MFAP4: variants seen among roughly 807,000 people sequenced by gnomAD.
MFAP4 encodes the protein microfibril-associated glycoprotein 4.
A neutral mutation model predicts 32.4 loss-of-function variants in MFAP4; 20 were observed. The ratio of observed to expected loss-of-function variants is 0.62; its 90% confidence interval spans 0.43 to 0.90. MFAP4 has a LOEUF of 0.90. Ranked by LOEUF, MFAP4 falls within the 40% of genes least tolerant of loss-of-function variation. The probability of loss-of-function intolerance (pLI) is 0.00; values close to 1 mark genes in which losing one functional copy is unlikely to be tolerated. For missense variants in MFAP4, 267 were observed against 329.5 expected, an observed-to-expected ratio of 0.81 and a Z score of 1.47; for synonymous variants, 146 against 137.4, an observed-to-expected ratio of 1.06 and a Z score of -0.44.
chr17:19,386,247 A>G, intron 3 of MFAP4, 63 bp downstream of exon 3: 2 of 1,423,782 alleles, frequency 1.4e-6, no homozygotes, highest in Non-Finnish European at 1.9e-6. Context: ...GCATATGTGA[A>G]GCCCAGGGTC....
chr17:19,386,511 TCACTGACACCTCAG>T (rs1439565137), intron 2 of MFAP4, 47 bp from the exon 3 acceptor site: 1 of 1,578,650 alleles, frequency 6.3e-7, no homozygotes, highest in Admixed American at 1.7e-5. Context: ...GACTATGGCA[TCACTGACACCTCAG>T]CACCCCAAGG....
intron 1 of MFAP4, 94 bp downstream of exon 1, chr17:19,387,056 T>A (rs1424111805): frequency 7.0e-7 from 1 of 1,436,214 alleles, no homozygotes. Context: ...TCAAGAGAAC[T>A]CCTTGTGCCT....
intron 1 of MFAP4, 139 bp from the exon 2 acceptor site, chr17:19,386,977 G>GCCCCCCCCCCCCCCCCCCCCC: frequency 1.5e-6 from 1 of 689,460 alleles, no homozygotes; most frequent in Admixed American, 3.1e-5. Flanking sequence ...CCTCTTCCCT[G>GCCCCCCCCCCCCCCCCCCCCC]CCCCCCCACC....
rs565019685 is a variant in MFAP4, at chr17:19,384,320, G to T, written c.*142C>A. ...GCCCTGGGTGTGTGACAGGGATGTG[G>T]CATGGCTGAGAGCCACAAGGCCCCC... On this transcript the variant is annotated 3_prime_UTR_variant, in exon 6 of 6. Transcript: ENST00000299610. 2.0e-6 allele frequency: 2 copies of T among 1,017,104 alleles called. No individual in the cohort carries two copies. The highest frequency in any genetic ancestry group is 1.6e-5 in the South Asian group (1 of 60,662). The allele number at this position is 1,017,104 out of a possible 1,614,324, so 63.0% of individuals were successfully genotyped here.
At position 19,384,496 on chromosome 17, in the gene MFAP4, A is replaced by G. The variant is rs763353882; in HGVS notation, c.734T>C (p.Leu245Pro). The change falls in exon 6 of 6, where the codon CTC becomes CCC. Residue 245 changes from leucine (L) to proline (P), a missense_variant. Leu to Pro is a moderately conservative substitution (Grantham distance 98, BLOSUM62 -3). Coordinates refer to ENST00000299610, the MANE Select transcript of MFAP4 (RefSeq NM_002404.3). ...WAQWKGFYYS[L>P]KRTEMKIRRA ...GCGGATTTTCATCTCAGTGCGTTTG[A>G]GGGAGTAGTAGAAGCCCTTCCACTG... is the stretch of plus-strand genomic sequence containing the variant. 2 of 1,601,040 alleles carry G rather than the reference A, an allele frequency of 1.2e-6. No homozygotes were observed.
chr17:19,384,220 C>T lies in MFAP4; in HGVS notation c.*242G>A. ...AGGTCCAGGCTAGAACCATGTGCCTCTCGGAAGAGGCCTGGGGAACTGCTG... is the reference window on the plus strand; with the variant it reads ...AGGTCCAGGCTAGAACCATGTGCCTTTCGGAAGAGGCCTGGGGAACTGCTG... On this transcript the variant is annotated 3_prime_UTR_variant, in exon 6 of 6. Transcript: ENST00000299610. 3 of 523,492 alleles carry T rather than the reference C, an allele frequency of 5.7e-6. No individual in the cohort carries two copies. The highest frequency in any genetic ancestry group is 1.0e-5 in the Non-Finnish European group (3 of 289,162). 32.4% of individuals were successfully genotyped at this position (523,492 alleles called of 1,614,324 possible). A position where few individuals can be genotyped will look rare whatever the true frequency, so the allele number is the denominator to read the frequency against.
chr17:19,386,999 G>T, intron 1 of MFAP4, 151 bp downstream of exon 1: 2 of 195,982 alleles, frequency 1.0e-5, no homozygotes, highest in South Asian at 4.6e-5. Context: ...CGCCCGCCAA[G>T]TAACCCCACT....
chr17:19,386,972 T>TGCCGGGCGCCCCCCCCCCCC, intron 1 of MFAP4, 134 bp from the exon 2 acceptor site: 1 of 937,014 alleles, frequency 1.1e-6, no homozygotes, highest in Non-Finnish European at 1.7e-6. Flanking sequence ...TGGCCCCTCT[T>TGCCGGGCGCCCCCCCCCCCC]CCCTGCCCCC....
intron 2 of MFAP4, 120 bp downstream of exon 2, chr17:19,386,640 A>G (rs1356653466): frequency 9.2e-6 from 12 of 1,299,210 alleles, no homozygotes; most frequent in Non-Finnish European, 1.3e-5. Flanking sequence ...CCCATTTTGT[A>G]AAGGAGGAAC....
rs763605557 is a variant in MFAP4 at position 19,386,891 on chromosome 17, C to T, written c.7-53G>A. 1.8e-5 allele frequency: 27 copies of T among 1,519,476 alleles called. No individual in the cohort carries two copies. In the African/African-American group the frequency reaches 3.3e-4, roughly 19 times the overall value. 94.1% of individuals were successfully genotyped at this position (1,519,476 alleles called of 1,614,324 possible). The stretch of plus-strand genomic sequence containing the variant: ...AGCCCCTTCCCAGCTCCAGAGATCC[C>T]CTGTTCTCTTTGCATTTGCCCCCAC... On this transcript the variant is annotated intron_variant, in intron 1 of 5. Coordinates refer to ENST00000299610, the MANE Select transcript of MFAP4 (RefSeq NM_002404.3).
In MFAP4 at chr17:19,386,357, G is replaced by T. The variant is rs752201669; in HGVS notation, c.193C>A (p.Pro65Thr). The change falls in exon 3 of 6, where the codon CCT becomes ACT. Residue 65 changes from proline to threonine, a missense_variant. Physicochemically the swap from Pro to Thr is conservative, Grantham distance 38. This residue lies in a region of MFAP4 where 223 missense variants were observed against 253.3 expected (regional missense o/e 0.88). Transcript: ENST00000299610. ...YLIYPSGPSVPVPVFCDMTTE... is the reference protein window; with the variant it reads ...YLIYPSGPSVTVPVFCDMTTE... ...GTCATGTCACAGAAGACGGGCACAGGCACACTGGGGCCCGAGGGGTAGATG... is the reference window on the plus strand; with the variant it reads ...GTCATGTCACAGAAGACGGGCACAGTCACACTGGGGCCCGAGGGGTAGATG... 4 of 1,613,528 alleles carry T rather than the reference G, an allele frequency of 2.5e-6. No homozygotes were observed. The highest frequency in any genetic ancestry group is 2.2e-5 in the East Asian group (1 of 44,874).
In MFAP4 at chr17:19,384,364, C is replaced by A; in HGVS notation, c.*98G>T. 1 of 1,403,070 alleles carries A rather than the reference C, an allele frequency of 7.1e-7. No homozygotes were observed. The highest frequency in any genetic ancestry group is 9.6e-7 in the Non-Finnish European group (1 of 1,043,392). The allele number at this position is 1,403,070 out of a possible 1,614,324, so 86.9% of individuals were successfully genotyped here. On this transcript the variant is annotated 3_prime_UTR_variant, in exon 6 of 6. Coordinates refer to ENST00000299610, the MANE Select transcript of MFAP4 (RefSeq NM_002404.3). ...GGCCCCCTTGTAAGGAGTTGGTGCTCGGGAATCAGCAGAAGCATGCATCAG... is the reference window on the plus strand; with the variant it reads ...GGCCCCCTTGTAAGGAGTTGGTGCTAGGGAATCAGCAGAAGCATGCATCAG...
At chr17:19,386,237 G>T in intron 3 of MFAP4, 73 bp downstream of exon 3, 1 of 1,345,994 alleles carries the variant, frequency 7.4e-7, no homozygotes, top group Non-Finnish European at 1.0e-6. Context: ...ACTGAGGTTC[G>T]CATATGTGAA....
chr17:19,384,996 AG>A (rs1912972300), intron 5 of MFAP4, 102 bp downstream of exon 5: 8 of 1,398,518 alleles, frequency 5.7e-6, no homozygotes, highest in Non-Finnish European at 7.8e-6. Flanking sequence ...CAGATCCAGA[AG>A]GGTTGAAGGA....
In MFAP4 at chr17:19,386,122, A is replaced by AAAAC. The variant is rs574249428; in HGVS notation, c.240+184_240+187dup. Reference sequence around the variant, plus strand: ...GGATGACAGAGTGAGGCTCCGCCTCAAAACAAACAAACAAACACCTACCTC... The same window carrying AAAAC: ...GGATGACAGAGTGAGGCTCCGCCTCAAAACAAACAAACAAACAAACACCTACCTC... On this transcript the variant is annotated intron_variant, in intron 3 of 5. Coordinates refer to ENST00000299610, the MANE Select transcript of MFAP4 (RefSeq NM_002404.3). Among the ~76,000 whole-genome samples, 164 of 152,334 alleles carry AAAAC rather than the reference A, an allele frequency of 1.1e-3. 3 individuals are homozygous for AAAAC. The highest frequency in any genetic ancestry group is 3.8e-3 in the African/African-American group (159 of 41,568).
chr17:19,384,510 G>T lies in MFAP4; in HGVS notation c.720C>A (p.Gly240=). The change falls in exon 6 of 6, where the codon GGC becomes GGA. Residue 240 remains glycine (G), a synonymous_variant. Transcript: ENST00000299610. ...ANGINWAQWK[G]FYYSLKRTEM... ...CAGTGCGTTTGAGGGAGTAGTAGAAGCCCTTCCACTGGGCCCAGTTGATGC... is the reference window on the plus strand; with the variant it reads ...CAGTGCGTTTGAGGGAGTAGTAGAATCCCTTCCACTGGGCCCAGTTGATGC... 1 of 1,608,790 alleles carries T rather than the reference G, an allele frequency of 6.2e-7. No individual in the cohort carries two copies. Among genetic ancestry groups the T allele is most frequent in the Non-Finnish European group, 8.5e-7 (1 of 1,177,286 alleles).
chr17:19,386,264 C>T lies in MFAP4; in HGVS notation c.240+46G>A, dbSNP rs377255591. ...ATATGTGAAGCCCAGGGTCACAGGGCTGGGATTAGAACCAGCTCTGGCCTC... is the reference window on the plus strand; with the variant it reads ...ATATGTGAAGCCCAGGGTCACAGGGTTGGGATTAGAACCAGCTCTGGCCTC... On this transcript the variant is annotated intron_variant, in intron 3 of 5. Coordinates refer to ENST00000299610, the MANE Select transcript of MFAP4 (RefSeq NM_002404.3). The T allele has an allele frequency of 3.0e-4, 442 of 1,491,644 alleles. 1 individual carries two copies. The highest frequency in any genetic ancestry group is 3.1e-4 in the Non-Finnish European group (344 of 1,115,494). The allele number at this position is 1,491,644 out of a possible 1,614,324, so 92.4% of individuals were successfully genotyped here. A position where few individuals can be genotyped will look rare whatever the true frequency, so the allele number is the denominator to read the frequency against.
chr17:19,386,571 CAAG>C (rs1212988151), intron 2 of MFAP4, 107 bp from the exon 3 acceptor site: 2 of 1,354,996 alleles, frequency 1.5e-6, no homozygotes, highest in Admixed American at 2.0e-5. Context: ...GACTTTGACA[CAAG>C]GAGTCATGGA....
At position 19,384,527 on chromosome 17, in the gene MFAP4, A is replaced by G. The variant is rs1912949450; in HGVS notation, c.703T>C (p.Trp235Arg). Residue 235 changes from tryptophan (W) to arginine (R), a missense_variant, in exon 6 of 6, where the codon TGG becomes CGG. Trp to Arg is a moderately radical substitution (Grantham distance 101). Coordinates refer to ENST00000299610, the MANE Select transcript of MFAP4 (RefSeq NM_002404.3). ...SHLSYANGIN[W>R]AQWKGFYYSL... ...TAGTAGAAGCCCTTCCACTGGGCCC[A>G]GTTGATGCCATTGGCATAAGAGAGG... 1 of 1,613,138 alleles carries G rather than the reference A, an allele frequency of 6.2e-7. No homozygotes were observed. Among genetic ancestry groups the G allele is most frequent in the South Asian group, 1.1e-5 (1 of 90,982 alleles).
Sources: gnomAD v4.1 joint callset for allele counts (sites outside exome capture counted in the v4.1 genomes callset) on GRCh38, gnomAD v4.1.1 for gene constraint, gnomAD v4.1.1 regional missense constraint, MANE v1.5 for transcripts, NCBI Gene and HGNC (gene_info 2026-07-23, HGNC 2026-07-21) for gene names.